Variants in TSC22D4 observed in about 807,000 individuals in gnomAD.
TSC22D4 encodes the protein TSC22 domain family protein 4.
TSC22D4 carries 5 observed loss-of-function variants against 24.9 expected under a neutral mutation model. The ratio of observed to expected loss-of-function variants is 0.20; its 90% CI spans 0.10 to 0.42. The LOEUF is 0.42. TSC22D4 is among the 10% of genes least tolerant of loss of function. The pLI is 1.00. For synonymous variants in TSC22D4, 245 were observed against 243.2 expected (o/e 1.01, Z -0.07); for missense variants, 469 against 547.9 (o/e 0.86, Z 1.44).
chr7:100,467,545 C>T lies in TSC22D4; in HGVS notation c.978+7G>A, dbSNP rs372636576. ...GGACCTCCTGGGACCAAGATGGCTT[C>T]TCTTACCATGGCTTGCTCGATTTTG... On this transcript the variant is annotated splice_region_variant and intron_variant, in intron 4 of 4. Coordinates refer to ENST00000300181, the MANE Select transcript of TSC22D4 (RefSeq NM_030935.5). 4.3e-5 allele frequency: 69 copies of T among 1,613,900 alleles called. No homozygotes were observed. The African/African-American group carries it at 7.2e-4, about 17-fold the overall frequency.
At chr7:100,475,066 G>A (rs1371540315) in intron 2 of TSC22D4, among the ~76,000 whole-genome samples, 1 of 152,138 alleles carries the variant, frequency 6.6e-6, no homozygotes, top group African/African-American at 2.4e-5. Context: ...CTCCCAAAGT[G>A]CTGGAAGAAT....
At position 100,477,568 on chromosome 7, in the gene TSC22D4, G is replaced by C. The variant is rs200486980; in HGVS notation, c.471C>G (p.Thr157=). Residue 157 remains threonine, a synonymous_variant, in exon 2 of 5, where the codon ACC becomes ACG. Transcript: ENST00000300181. The surrounding 1 kb of genome is among the most constrained non-coding windows in gnomAD (Gnocchi z 7.8). ...GPTSWLRPPP[T]SPGPQARSFT... ...AGGAGCGGGCCTGAGGTCCAGGAGA[G>C]GTGGGGGGTGGACGGAGCCAGGAGG... 6.9e-4 allele frequency: 1,094 copies of C among 1,581,646 alleles called. 18 individuals are homozygous for C. In the East Asian group the frequency reaches 0.022, roughly 32 times the overall value.
Position 100,467,148 on chromosome 7 carries a change from G to A in TSC22D4, c.999C>T (p.Leu333=), listed in dbSNP as rs773938124. The part of the protein sequence containing the change: ...EQAMDLVKSH[L]MFAVREEVEV... ...CCACCTCCTCCCGGACCGCAAACAT[G>A]AGGTGGGACTTCACCAAGTCCTGGG... is the stretch of plus-strand genomic sequence containing the variant. The change falls in exon 5 of 5, where the codon CTC becomes CTT. Residue 333 remains leucine, a synonymous_variant. Coordinates refer to ENST00000300181, the MANE Select transcript of TSC22D4 (RefSeq NM_030935.5). 1.9e-6 allele frequency: 3 copies of A among 1,614,166 alleles called. No individual in the cohort carries two copies. The highest frequency in any genetic ancestry group is 2.2e-5 in the South Asian group (2 of 91,090).
intron 2 of TSC22D4, among the ~76,000 whole-genome samples, chr7:100,476,134 A>G (rs1226043965): frequency 1.3e-5 from 2 of 149,910 alleles, no homozygotes; most frequent in East Asian, 4.1e-4. Flanking sequence ...GCTGGAGGCC[A>G]AGGGGGTTTG....
chr7:100,467,340 C>A (rs1799301506), intron 4 of TSC22D4, 172 bp from the exon 5 acceptor site: 2 of 861,594 alleles, frequency 2.3e-6, no homozygotes, highest in Non-Finnish European at 3.8e-6. Context: ...GGCTCAAAGA[C>A]AGAGATGGGG....
rs769121609 is a variant in TSC22D4 at position 100,467,747 on chromosome 7, T to C, written c.930-147A>G. 3 of 876,230 alleles carry C rather than the reference T, an allele frequency of 3.4e-6. No homozygotes were observed. The East Asian group carries it at 7.8e-5, about 23-fold the overall frequency. 54.3% of individuals were successfully genotyped at this position (876,230 alleles called of 1,614,324 possible). On this transcript the variant is annotated intron_variant, in intron 3 of 4. Coordinates refer to ENST00000300181, the MANE Select transcript of TSC22D4 (RefSeq NM_030935.5). ...AGGGTTTTGTCCATCCCCCTGCGGG[T>C]TGAAGGCCGCTGCCCAGGGCCTCCC...
intron 2 of TSC22D4, among the ~76,000 whole-genome samples, chr7:100,475,770 G>A (rs1799485083): frequency 6.6e-6 from 1 of 151,814 alleles, no homozygotes; most frequent in African/African-American, 2.4e-5. Flanking sequence ...AAAAGGGCGG[G>A]GGCGACAGGA....
At chr7:100,468,229 C>A (rs888650195) in intron 3 of TSC22D4, among the ~76,000 whole-genome samples, 2 of 152,170 alleles carry the variant, frequency 1.3e-5, no homozygotes, top group Admixed American at 1.3e-4. Context: ...CCCCTTCTCA[C>A]CCTGGCACCA....
rs1799523515 is a variant in TSC22D4, at chr7:100,477,522, G to T, written c.517C>A (p.Leu173Met). ...ARSFTGGLGQ[L>M]VVPSKAKAEK... ...GCCTTGGCTTTGCTGGGCACCACCA[G>T]CTGGCCCAGTCCCCCAGTGAAGGAG... The change falls in exon 2 of 5, where the codon CTG (leucine) becomes ATG (methionine). Residue 173 changes from leucine to methionine, a missense_variant. Physicochemically the swap from Leu to Met is conservative, Grantham distance 15. Coordinates refer to ENST00000300181, the MANE Select transcript of TSC22D4 (RefSeq NM_030935.5). This position sits in a 1 kb window ranked among gnomAD's most constrained non-coding sequence, Gnocchi z 7.8. 1.3e-6 allele frequency: 2 copies of T among 1,559,000 alleles called. No individual in the cohort carries two copies. Among genetic ancestry groups the T allele is most frequent in the Non-Finnish European group, 1.7e-6 (2 of 1,152,968 alleles).
At chr7:100,475,672 G>T (rs1188309246) in intron 2 of TSC22D4, among the ~76,000 whole-genome samples, 14 of 151,778 alleles carry the variant, frequency 9.2e-5, no homozygotes, top group African/African-American at 3.4e-4. Context: ...CTGCCCTAGG[G>T]TTGGGGGGGG....
intron 3 of TSC22D4, among the ~76,000 whole-genome samples, chr7:100,472,113 G>A (rs893241802): frequency 6.6e-5 from 10 of 151,958 alleles, no homozygotes; most frequent in Admixed American, 1.3e-4. Context: ...CTGGTCAGGC[G>A]TCCCCAACTC....
At chr7:100,471,052 C>T (rs1319864096) in intron 3 of TSC22D4, among the ~76,000 whole-genome samples, 1 of 152,048 alleles carries the variant, frequency 6.6e-6, no homozygotes, top group Non-Finnish European at 1.5e-5. Context: ...AAGCAGGACA[C>T]CTGGGAGAAA....
At position 100,474,542 on chromosome 7, in the gene TSC22D4, C is replaced by G; in HGVS notation, c.763-102G>C. ...GCCTTCCTCCCTCTCCACCTCCCCA[C>G]TCTCTTTCGAGGACCCAGGAGTCCT... On this transcript the variant is annotated intron_variant, in intron 2 of 4. Transcript: ENST00000300181. The surrounding 1 kb of genome is among the most constrained non-coding windows in gnomAD (Gnocchi z 4.3). 7.1e-7 allele frequency: 1 copy of G among 1,403,692 alleles called. No homozygotes were observed. The highest frequency in any genetic ancestry group is 9.7e-7 in the Non-Finnish European group (1 of 1,031,104). The allele number at this position is 1,403,692 out of a possible 1,614,324, so 87.0% of individuals were successfully genotyped here.
chr7:100,468,856 G>A (rs1349564843), intron 3 of TSC22D4, among the ~76,000 whole-genome samples: 1 of 152,068 alleles, frequency 6.6e-6, no homozygotes, highest in Non-Finnish European at 1.5e-5. Flanking sequence ...AGAATCGCTT[G>A]AACCCAGGAG....
Position 100,467,317 on chromosome 7 carries a change from G to C in TSC22D4, c.979-149C>G, listed in dbSNP as rs147266501. ...GGACAGGGGAAAAGGACGAGGGACAGAGGCAGAGTCAGGGCTCAAAGACAG... is the reference window on the plus strand; with the variant it reads ...GGACAGGGGAAAAGGACGAGGGACACAGGCAGAGTCAGGGCTCAAAGACAG... On this transcript the variant is annotated intron_variant, in intron 4 of 4. Transcript: ENST00000300181. 6.0e-4 allele frequency: 564 copies of C among 938,472 alleles called. 3 individuals carry two copies. In the African/African-American group the frequency reaches 7.9e-3, roughly 13 times the overall value. 58.1% of individuals were successfully genotyped at this position (938,472 alleles called of 1,614,324 possible).
intron 3 of TSC22D4, among the ~76,000 whole-genome samples, chr7:100,473,633 G>C (rs1799433303): frequency 1.3e-5 from 2 of 151,832 alleles, no homozygotes; most frequent in Admixed American, 6.6e-5. Flanking sequence ...GTACAGACAG[G>C]GTTTCACCGT....
intron 1 of TSC22D4, 144 bp from the exon 2 acceptor site, chr7:100,478,451 G>C (rs941649366): frequency 1.1e-4 from 22 of 203,396 alleles, no homozygotes; most frequent in Non-Finnish European, 1.7e-4. Context: ...GGAGCAGAGT[G>C]GGGGAAGGGG....
At chr7:100,472,462 C>A (rs2131046352) in intron 3 of TSC22D4, among the ~76,000 whole-genome samples, 1 of 150,780 alleles carries the variant, frequency 6.6e-6, no homozygotes, top group African/African-American at 2.4e-5. Flanking sequence ...AGACGGAGGC[C>A]TCAGGAGGTT....
chr7:100,477,158 C>G lies in TSC22D4; in HGVS notation c.762+119G>C. On this transcript the variant is annotated intron_variant, in intron 2 of 4. Coordinates refer to ENST00000300181, the MANE Select transcript of TSC22D4 (RefSeq NM_030935.5). The surrounding 1 kb of genome is among the most constrained non-coding windows in gnomAD (Gnocchi z 7.8). ...GACCTGGCAGGCACAGAGAAGAGGG[C>G]TATCTGATCTTATAAAGTGATGGAG... 1 of 877,656 alleles carries G rather than the reference C, an allele frequency of 1.1e-6. No homozygotes were observed. The highest frequency in any genetic ancestry group is 1.6e-6 in the Non-Finnish European group (1 of 616,872). 54.4% of individuals were successfully genotyped at this position (877,656 alleles called of 1,614,324 possible). A position where few individuals can be genotyped will look rare whatever the true frequency, so the allele number is the denominator to read the frequency against.
Sources: gnomAD v4.1 joint callset for allele counts (sites outside exome capture counted in the v4.1 genomes callset) on GRCh38, gnomAD v4.1.1 for gene constraint, Gnocchi (gnomAD v3.1) non-coding constraint, MANE v1.5 for transcripts, NCBI Gene and HGNC (gene_info 2026-07-23, HGNC 2026-07-21) for gene names.